COP1: variants seen among roughly 807,000 people sequenced by gnomAD.
COP1 encodes the protein E3 ubiquitin-protein ligase COP1.
In COP1, 24 loss-of-function variants were observed where a neutral mutation model predicts 101.3. The ratio of observed to expected loss-of-function variants is 0.24; its 90% CI spans 0.17 to 0.33. COP1 has a LOEUF of 0.33. Among genes scored for constraint, COP1 ranks in the 10% least tolerant of loss-of-function variants. The probability of loss-of-function intolerance (pLI) is 1.00; values close to 1 mark genes in which losing one functional copy is unlikely to be tolerated. For synonymous variants in COP1, 347 were observed against 341.9 expected (o/e 1.01, Z -0.17); for missense variants, 663 against 906.2 (o/e 0.73, Z 3.45).
At chr1:176,156,612 A>G (rs1396098645) in intron 5 of COP1, among the ~76,000 whole-genome samples, 2 of 152,186 alleles carry the variant, frequency 1.3e-5, no homozygotes, top group African/African-American at 2.4e-5. Flanking sequence ...AGACTATACC[A>G]TGGAAACATT....
chr1:176,073,704 G>T (rs185045327), intron 11 of COP1, among the ~76,000 whole-genome samples: 369 of 152,200 alleles, frequency 2.4e-3, no homozygotes, highest in Admixed American at 5.2e-3. Flanking sequence ...TTTAATAGTC[G>T]AGATACTGTC....
At chr1:176,022,533 A>G (rs1337951818) in intron 15 of COP1, among the ~76,000 whole-genome samples, 3 of 152,236 alleles carry the variant, frequency 2.0e-5, no homozygotes, top group African/African-American at 7.2e-5. Flanking sequence ...GTGTTATTTC[A>G]TAAAGAGAAA....
chr1:175,954,374 G>A (rs1348584349), intron 18 of COP1, among the ~76,000 whole-genome samples: 2 of 151,968 alleles, frequency 1.3e-5, no homozygotes, highest in Non-Finnish European at 2.9e-5. Context: ...GCTAGGAAAA[G>A]AGCAAGTTAC....
intron 18 of COP1, among the ~76,000 whole-genome samples, chr1:175,970,367 A>C (rs1652999758): frequency 1.3e-5 from 2 of 152,228 alleles, no homozygotes. Context: ...TAGAAGCCGG[A>C]ATGGGAATAG....
In COP1 at chr1:176,052,541, T is replaced by C. The variant is rs138913087; in HGVS notation, c.1278-6217A>G. 9.5e-3 allele frequency among the ~76,000 whole-genome samples: 1,449 copies of C among 152,296 alleles called. 11 individuals carry two copies. Among genetic ancestry groups the C allele is most frequent in the South Asian group, 0.037 (176 of 4,820 alleles). On this transcript the variant is annotated intron_variant, in intron 11 of 19. Transcript: ENST00000367669. Reference sequence around the variant, plus strand: ...ATATAATTCTCCCCATTTACTACTATGTAAAATTCAGACTCCAACTATTAC... The same window carrying C: ...ATATAATTCTCCCCATTTACTACTACGTAAAATTCAGACTCCAACTATTAC...
intron 15 of COP1, among the ~76,000 whole-genome samples, chr1:176,005,370 T>C (rs1347127221): frequency 6.6e-6 from 1 of 152,224 alleles, no homozygotes; most frequent in Non-Finnish European, 1.5e-5. Context: ...GCTCTGATTT[T>C]AGTTATTTTT....
intron 13 of COP1, 63 bp from the exon 14 acceptor site, chr1:176,043,330 GA>G (rs1003399401): frequency 7.5e-3 from 5,474 of 729,600 alleles, no homozygotes; most frequent in South Asian, 0.014. Flanking sequence ...AATAAAGCAA[GA>G]AAAAAAAAAA....
intron 9 of COP1, among the ~76,000 whole-genome samples, chr1:176,098,494 A>C (rs1682824009): frequency 6.6e-6 from 1 of 152,226 alleles, no homozygotes; most frequent in African/African-American, 2.4e-5. Flanking sequence ...AAAAAAGCTA[A>C]AAGTTCAAAC....
At chr1:175,989,318 A>G in intron 16 of COP1, 44 bp downstream of exon 16, 1 of 971,718 alleles carries the variant, frequency 1.0e-6, no homozygotes, top group Non-Finnish European at 1.7e-6. Context: ...AGGTAAGTAC[A>G]GAGCTCTGTA....
In COP1 at chr1:176,077,682, C is replaced by T. The variant is rs183217874; in HGVS notation, c.1277+3470G>A. 1.7e-3 allele frequency among the ~76,000 whole-genome samples: 257 copies of T among 152,212 alleles called. 1 individual carries two copies. The highest frequency in any genetic ancestry group is 5.9e-3 in the African/African-American group (246 of 41,562). ...TCTGTCAATAGTAAGAAATAAATGGCATCCAAATAGGAAAAGATTAAGTCA... is the reference window on the plus strand; with the variant it reads ...TCTGTCAATAGTAAGAAATAAATGGTATCCAAATAGGAAAAGATTAAGTCA... On this transcript the variant is annotated intron_variant, in intron 11 of 19. Transcript: ENST00000367669.
At chr1:176,188,850 C>CACAT (rs1189514145) in intron 1 of COP1, among the ~76,000 whole-genome samples, 1 of 151,648 alleles carries the variant, frequency 6.6e-6, no homozygotes, top group Non-Finnish European at 1.5e-5. Context: ...CACACACACA[C>CACAT]ACACACACAG....
chr1:175,952,914 C>T (rs1650131375), intron 18 of COP1, among the ~76,000 whole-genome samples: 2 of 152,046 alleles, frequency 1.3e-5, no homozygotes, highest in South Asian at 4.1e-4. Flanking sequence ...AAGACTCTGT[C>T]TCAATAAATA....
intron 8 of COP1, among the ~76,000 whole-genome samples, chr1:176,117,001 T>C (rs1686304006): frequency 6.6e-6 from 1 of 152,178 alleles, no homozygotes; most frequent in Non-Finnish European, 1.5e-5. Context: ...TGGAGAACTT[T>C]AAGGAAAAGA....
intron 18 of COP1, among the ~76,000 whole-genome samples, chr1:175,978,201 T>C (rs1303621754): frequency 6.6e-6 from 1 of 152,158 alleles, no homozygotes; most frequent in Non-Finnish European, 1.5e-5. Context: ...GCTTCAAGAT[T>C]GGCATACACA....
At chr1:176,160,219 T>C in intron 5 of COP1, 1 of 386,134 alleles carries the variant, frequency 2.6e-6, no homozygotes, top group South Asian at 2.0e-5. Flanking sequence ...TTTCACTATG[T>C]AATTATCTGC....
chr1:176,019,168 A>T (rs1666220432), intron 15 of COP1, among the ~76,000 whole-genome samples: 1 of 148,824 alleles, frequency 6.7e-6, no homozygotes, highest in Non-Finnish European at 1.5e-5. Flanking sequence ...TAGACTTTTT[A>T]AAAAAATAAA....
chr1:176,036,699 G>A (rs1178875126), intron 14 of COP1, among the ~76,000 whole-genome samples: 1 of 151,984 alleles, frequency 6.6e-6, no homozygotes, highest in Non-Finnish European at 1.5e-5. Context: ...AGTGATATGT[G>A]GTATGATATT....
chr1:176,095,144 C>T (rs1272741356), intron 9 of COP1, among the ~76,000 whole-genome samples: 3 of 152,172 alleles, frequency 2.0e-5, no homozygotes, highest in Non-Finnish European at 4.4e-5. Flanking sequence ...TCATTATTTA[C>T]ACAATAAGTA....
At chr1:176,053,948 A>C (rs1036780502) in intron 11 of COP1, among the ~76,000 whole-genome samples, 2 of 152,116 alleles carry the variant, frequency 1.3e-5, no homozygotes, top group Non-Finnish European at 2.9e-5. Flanking sequence ...GGCAGACTTG[A>C]ATATGGTTAG....
Sources: allele counts gnomAD v4.1 joint callset (sites outside exome capture counted in the v4.1 genomes callset), GRCh38; gene constraint gnomAD v4.1.1; transcripts MANE v1.5; gene names NCBI Gene and HGNC (gene_info 2026-07-23, HGNC 2026-07-21).